AAK1: variants seen among roughly 807,000 people sequenced by gnomAD.
AAK1 encodes the protein AP2 associated kinase 1.
AAK1 carries 37 observed loss-of-function variants against 116.0 expected under a neutral mutation model. That is an observed-to-expected ratio of 0.32 (90% CI 0.25 to 0.42). The LOEUF is 0.42. Ranked by LOEUF, AAK1 falls within the 10% of genes least tolerant of loss-of-function variation. The pLI is 1.00. For missense variants in AAK1, 919 were observed against 1,170.6 expected, an observed-to-expected ratio of 0.79 and a Z score of 3.14; for synonymous variants, 458 against 439.9, an observed-to-expected ratio of 1.04 and a Z score of -0.51.
intron 2 of AAK1, among the ~76,000 whole-genome samples, chr2:69,562,863 C>T (rs1003498749): frequency 6.6e-6 from 1 of 152,132 alleles, no homozygotes; most frequent in African/African-American, 2.4e-5. Flanking sequence ...GCACTCCAGC[C>T]TGGGCGACAG....
intron 2 of AAK1, among the ~76,000 whole-genome samples, chr2:69,633,217 TC>T (rs1675285543): frequency 3.3e-5 from 3 of 91,602 alleles, no homozygotes; most frequent in East Asian, 4.5e-4. Flanking sequence ...AGACTCTGTT[TC>T]AAAAAAAAAA....
In AAK1 at chr2:69,464,690, CA is replaced by C. The variant is rs1403072462; in HGVS notation, c.*11178del. 6.6e-6 allele frequency: 1 copy of C among 152,650 alleles called. No homozygotes were observed. Among genetic ancestry groups the C allele is most frequent in the Non-Finnish European group, 1.5e-5 (1 of 68,094 alleles). 9.5% of individuals were successfully genotyped at this position (152,650 alleles called of 1,614,324 possible). A position where few individuals can be genotyped will look rare whatever the true frequency, so the allele number is the denominator to read the frequency against. On this transcript the variant is annotated 3_prime_UTR_variant, in exon 22 of 22. Transcript: ENST00000409085. ...CAAACCTGTACACTCACACTAATTT[CA>C]AAAGCATGGATGTGGGGAAAGCCCT...
chr2:69,615,621 T>G (rs1051405307), intron 2 of AAK1, among the ~76,000 whole-genome samples: 1 of 152,230 alleles, frequency 6.6e-6, no homozygotes, highest in African/African-American at 2.4e-5. Context: ...TTTGCTCTTA[T>G]ATGAAAGAAA....
At chr2:69,488,158 G>GTGTGTGTGTGTGTGTA (rs1675377504) in intron 17 of AAK1, among the ~76,000 whole-genome samples, 1 of 151,436 alleles carries the variant, frequency 6.6e-6, no homozygotes, top group African/African-American at 2.4e-5. Flanking sequence ...ACGTGTGTGT[G>GTGTGTGTGTGTGTGTA]TGTGTGTGTG....
At chr2:69,530,343 G>T (rs1253753554) in intron 7 of AAK1, among the ~76,000 whole-genome samples, 1 of 152,102 alleles carries the variant, frequency 6.6e-6, no homozygotes, top group Admixed American at 6.5e-5. Flanking sequence ...ACCAAATCGT[G>T]TTCCAGTAAA....
At chr2:69,488,634 G>A (rs561225073) in intron 17 of AAK1, among the ~76,000 whole-genome samples, 175 of 152,278 alleles carry the variant, frequency 1.1e-3, no homozygotes, top group African/African-American at 4.1e-3. Context: ...AGGACTAAAT[G>A]GGCTAGGGGG....
chr2:69,601,934 A>C (rs1673598772), intron 2 of AAK1, among the ~76,000 whole-genome samples: 1 of 152,250 alleles, frequency 6.6e-6, no homozygotes, highest in African/African-American at 2.4e-5. Flanking sequence ...ATACCAGTTA[A>C]CTAGATGATT....
intron 5 of AAK1, among the ~76,000 whole-genome samples, chr2:69,537,711 C>A (rs749181713): frequency 6.6e-6 from 1 of 152,188 alleles, no homozygotes; most frequent in East Asian, 1.9e-4. Flanking sequence ...CCAGGGTGAA[C>A]AGGAGCACTT....
At chr2:69,568,992 C>T (rs1047833963) in intron 2 of AAK1, among the ~76,000 whole-genome samples, 2 of 152,224 alleles carry the variant, frequency 1.3e-5, no homozygotes, top group South Asian at 2.1e-4. Context: ...AATTCTATCC[C>T]CAAACCCAGA....
intron 2 of AAK1, among the ~76,000 whole-genome samples, chr2:69,639,807 A>G (rs11889115): frequency 0.14 from 21,550 of 152,056 alleles, 3,279 homozygotes; most frequent in East Asian, 0.39. Flanking sequence ...AACTCTGGCT[A>G]GAACTGTAGA....
intron 2 of AAK1, among the ~76,000 whole-genome samples, chr2:69,561,792 CT>C (rs1558963002): frequency 6.6e-6 from 1 of 152,160 alleles, no homozygotes; most frequent in Non-Finnish European, 1.5e-5. Flanking sequence ...TTTGGATCTG[CT>C]TTCCATCCCT....
intron 5 of AAK1, among the ~76,000 whole-genome samples, chr2:69,535,606 C>T (rs2105034650): frequency 6.6e-6 from 1 of 152,154 alleles, no homozygotes; most frequent in African/African-American, 2.4e-5. Context: ...CGGGGAAGGT[C>T]TCTCCAAGGG....
intron 2 of AAK1, chr2:69,594,865 A>G (rs1437706586): frequency 6.4e-7 from 1 of 1,557,970 alleles, no homozygotes; most frequent in Non-Finnish European, 8.8e-7. Context: ...CCTTAGCACA[A>G]TCTTCTTTGT....
chr2:69,585,149 G>T (rs1333308895), intron 2 of AAK1, among the ~76,000 whole-genome samples: 1 of 152,178 alleles, frequency 6.6e-6, no homozygotes, highest in Non-Finnish European at 1.5e-5. Flanking sequence ...TTTAATCGAG[G>T]ATTATAAGAA....
chr2:69,522,180 T>G (rs1454512247), intron 10 of AAK1, among the ~76,000 whole-genome samples: 1 of 152,200 alleles, frequency 6.6e-6, no homozygotes, highest in Non-Finnish European at 1.5e-5. Flanking sequence ...CCTTTGAAAC[T>G]CCACTTTACA....
chr2:69,522,202 A>C (rs1669815506), intron 10 of AAK1, among the ~76,000 whole-genome samples: 1 of 152,214 alleles, frequency 6.6e-6, no homozygotes, highest in South Asian at 2.1e-4. Flanking sequence ...AGTATAACTG[A>C]GGTTAGGCCA....
intron 2 of AAK1, among the ~76,000 whole-genome samples, chr2:69,618,415 C>T (rs867102942): frequency 6.6e-6 from 1 of 152,156 alleles, no homozygotes; most frequent in Non-Finnish European, 1.5e-5. Flanking sequence ...AATCATCCAA[C>T]TTGCTCGGTC....
Position 69,531,901 on chromosome 2 carries a change from A to G in AAK1, c.656+140T>C, listed in dbSNP as rs1670274409. 5.7e-6 allele frequency: 8 copies of G among 1,402,526 alleles called. No individual in the cohort carries two copies. In the South Asian group the frequency reaches 9.3e-5, roughly 16 times the overall value. The allele number at this position is 1,402,526 out of a possible 1,614,324, so 86.9% of individuals were successfully genotyped here. ...TCTTCACTTAAAGTCAAACAACCCA[A>G]CTGTAAACATGATGCTCTGAGATGA... is the stretch of plus-strand genomic sequence containing the variant. On this transcript the variant is annotated intron_variant, in intron 6 of 21. Transcript: ENST00000409085.
intron 7 of AAK1, among the ~76,000 whole-genome samples, chr2:69,530,346 C>A (rs1483661595): frequency 6.6e-6 from 1 of 152,106 alleles, no homozygotes; most frequent in Non-Finnish European, 1.5e-5. Flanking sequence ...AAATCGTGTT[C>A]CAGTAAATAA....
Sources: gnomAD v4.1 joint callset for allele counts (sites outside exome capture counted in the v4.1 genomes callset) on GRCh38, gnomAD v4.1.1 for gene constraint, MANE v1.5 for transcripts, NCBI Gene and HGNC (gene_info 2026-07-23, HGNC 2026-07-21) for gene names.